Variants in PITPNC1 observed in about 807,000 individuals in gnomAD.
PITPNC1 encodes the protein cytoplasmic phosphatidylinositol transfer protein 1.
A neutral mutation model predicts 44.7 loss-of-function variants in PITPNC1; 18 were observed. That is an observed-to-expected ratio of 0.40 (90% CI 0.28 to 0.60). PITPNC1 has a LOEUF of 0.60. Ranked by LOEUF, PITPNC1 falls within the 20% of genes least tolerant of loss-of-function variation. The probability of loss-of-function intolerance (pLI) is 0.39; values close to 1 mark genes in which losing one functional copy is unlikely to be tolerated. For missense variants in PITPNC1, 290 were observed against 418.4 expected (o/e 0.69, Z 2.68); for synonymous variants, 141 against 149.6 (o/e 0.94, Z 0.42).
chr17:67,654,595 A>G (rs1200948791), intron 6 of PITPNC1, among the ~76,000 whole-genome samples: 1 of 152,000 alleles, frequency 6.6e-6, no homozygotes, highest in African/African-American at 2.4e-5. Context: ...GACTTTGCCT[A>G]CCTTATCCAA....
At chr17:67,543,639 A>G (rs147234807) in intron 2 of PITPNC1, among the ~76,000 whole-genome samples, 82 of 152,068 alleles carry the variant, frequency 5.4e-4, no homozygotes, top group African/African-American at 1.9e-3. Flanking sequence ...TCCTTTGCCA[A>G]TTTTTTAATT....
intron 5 of PITPNC1, among the ~76,000 whole-genome samples, chr17:67,600,844 T>G (rs1340264515): frequency 1.3e-5 from 2 of 151,644 alleles, no homozygotes; most frequent in Non-Finnish European, 2.9e-5. Context: ...AAGCAATATT[T>G]GAAACAATAA....
At chr17:67,389,071 CCTTT>C (rs985356947) in intron 1 of PITPNC1, among the ~76,000 whole-genome samples, 2 of 152,202 alleles carry the variant, frequency 1.3e-5, no homozygotes, top group African/African-American at 4.8e-5. Flanking sequence ...AGTCAGGCTG[CCTTT>C]CTTTCTGGAG....
intron 6 of PITPNC1, among the ~76,000 whole-genome samples, chr17:67,637,085 C>G (rs2042041939): frequency 6.6e-6 from 1 of 152,212 alleles, no homozygotes; most frequent in Admixed American, 6.5e-5. Context: ...ATGGCATGAG[C>G]TCTGCGAAGA....
Position 67,656,976 on chromosome 17 carries a change from A to T in PITPNC1, c.463-12532A>T, listed in dbSNP as rs895009039. ...TGTGAAGGGGGCAATTTAGATACTG[A>T]ATGTTCGTAAACCCAAGTGAGAAAA... On this transcript the variant is annotated intron_variant, in intron 6 of 8. Transcript: ENST00000581322. Among the ~76,000 whole-genome samples, 21 of 152,290 alleles carry T rather than the reference A, an allele frequency of 1.4e-4. 1 individual carries two copies. In the South Asian group the frequency reaches 1.9e-3, roughly 14 times the overall value.
chr17:67,531,689 C>T lies in PITPNC1; in HGVS notation c.49-1113C>T, dbSNP rs572675385. On this transcript the variant is annotated intron_variant, in intron 1 of 8. Coordinates refer to ENST00000581322, the MANE Select transcript of PITPNC1 (RefSeq NM_012417.4). Reference sequence around the variant, plus strand: ...CTCTTATGCAGACAGACAGGGGACCCGCATCCCTGCAGATTGTTGGGGAAT... The same window carrying T: ...CTCTTATGCAGACAGACAGGGGACCTGCATCCCTGCAGATTGTTGGGGAAT... 7.4e-4 allele frequency among the ~76,000 whole-genome samples: 113 copies of T among 152,284 alleles called. 1 individual carries two copies. The highest frequency in any genetic ancestry group is 2.6e-3 in the African/African-American group (106 of 41,564).
At chr17:67,493,713 C>T (rs1400519698) in intron 1 of PITPNC1, among the ~76,000 whole-genome samples, 1 of 152,132 alleles carries the variant, frequency 6.6e-6, no homozygotes, top group African/African-American at 2.4e-5. Flanking sequence ...GTGATGGTAC[C>T]TCAGAGGACT....
rs143699296 is a variant in PITPNC1, at chr17:67,597,782, C to G, written c.366+19525C>G. Among the ~76,000 whole-genome samples, 13 of 152,212 alleles carry G rather than the reference C, an allele frequency of 8.5e-5. No homozygotes were observed. Among genetic ancestry groups the G allele is most frequent in the Non-Finnish European group, 1.8e-4 (12 of 68,018 alleles). On this transcript the variant is annotated intron_variant, in intron 5 of 8. Transcript: ENST00000581322. This position sits in a 1 kb window ranked among gnomAD's most constrained non-coding sequence, Gnocchi z 4.0. Reference sequence around the variant, plus strand: ...TCTCATTGCAAGGCAGTGGGGTAGGCTCTATGGAGAACACATGCTAGAGGG... The same window carrying G: ...TCTCATTGCAAGGCAGTGGGGTAGGGTCTATGGAGAACACATGCTAGAGGG...
chr17:67,495,103 C>T (rs1263460906), intron 1 of PITPNC1, among the ~76,000 whole-genome samples: 2 of 114,146 alleles, frequency 1.8e-5, no homozygotes, highest in East Asian at 3.0e-4. Flanking sequence ...GTCGCCCAGG[C>T]TGGAGTGCAG....
At chr17:67,599,036 T>TATATATATGTATA (rs1568059523) in intron 5 of PITPNC1, among the ~76,000 whole-genome samples, 1 of 32,924 alleles carries the variant, frequency 3.0e-5, no homozygotes, top group Non-Finnish European at 6.2e-5. Context: ...ATATATATAT[T>TATATATATGTATA]TTTTTTTTTT....
At chr17:67,690,038 CTT>C (rs1006161777) in intron 8 of PITPNC1, among the ~76,000 whole-genome samples, 1 of 151,984 alleles carries the variant, frequency 6.6e-6, no homozygotes, top group African/African-American at 2.4e-5. Flanking sequence ...GTCATAATGA[CTT>C]ATATCCTTTG....
intron 5 of PITPNC1, among the ~76,000 whole-genome samples, chr17:67,631,666 A>ATATT: frequency 1.3e-5 from 1 of 77,300 alleles, no homozygotes; most frequent in African/African-American, 3.7e-5. Context: ...AAATATATAT[A>ATATT]TATATAAAAT....
intron 8 of PITPNC1, among the ~76,000 whole-genome samples, chr17:67,688,409 G>A (rs982528290): frequency 8.6e-5 from 13 of 150,382 alleles, no homozygotes; most frequent in African/African-American, 3.2e-4. Context: ...GGATCCTTTA[G>A]AATTGTGAAG....
chr17:67,666,903 G>A (rs2042431689), intron 6 of PITPNC1, among the ~76,000 whole-genome samples: 1 of 152,214 alleles, frequency 6.6e-6, no homozygotes, highest in Non-Finnish European at 1.5e-5. Context: ...AGATCTGAGA[G>A]AATAAACCTG....
intron 1 of PITPNC1, among the ~76,000 whole-genome samples, chr17:67,463,283 G>T (rs2039371164): frequency 6.6e-6 from 1 of 152,146 alleles, no homozygotes; most frequent in South Asian, 2.1e-4. Context: ...GGGTAGGGGG[G>T]ATTGAAAGCT....
chr17:67,694,954 TATTTA>T lies in PITPNC1; in HGVS notation c.*2067_*2071del, dbSNP rs1289037024. The T allele has an allele frequency of 6.6e-6, 1 of 152,230 alleles. No individual in the cohort carries two copies. The highest frequency in any genetic ancestry group is 2.4e-5 in the African/African-American group (1 of 41,456). The allele number at this position is 152,230 out of a possible 1,614,324, so 9.4% of individuals were successfully genotyped here. Reference sequence around the variant, plus strand: ...GGGGTCATTATTTTCACATAGAATGTATTTATTTTGTGCAGGCTGTTAAACACATC... The same window carrying T: ...GGGGTCATTATTTTCACATAGAATGTTTTTGTGCAGGCTGTTAAACACATC... On this transcript the variant is annotated 3_prime_UTR_variant, in exon 9 of 9. Coordinates refer to ENST00000581322, the MANE Select transcript of PITPNC1 (RefSeq NM_012417.4).
intron 5 of PITPNC1, among the ~76,000 whole-genome samples, chr17:67,625,927 C>T (rs751940970): frequency 9.2e-5 from 14 of 151,990 alleles, no homozygotes; most frequent in Non-Finnish European, 1.8e-4. Context: ...AGGATGTCTC[C>T]CAGAATCCCT....
At chr17:67,521,390 C>G (rs985709481) in intron 1 of PITPNC1, among the ~76,000 whole-genome samples, 1 of 152,152 alleles carries the variant, frequency 6.6e-6, no homozygotes, top group Admixed American at 6.5e-5. Context: ...GTAAACAAGA[C>G]ACCTCCGAGG....
At position 67,693,513 on chromosome 17, in the gene PITPNC1, A is replaced by G. The variant is rs1329991525; in HGVS notation, c.*625A>G. 6.6e-6 allele frequency: 1 copy of G among 152,374 alleles called. No homozygotes were observed. Among genetic ancestry groups the G allele is most frequent in the Non-Finnish European group, 1.5e-5 (1 of 68,028 alleles). 9.4% of individuals were successfully genotyped at this position (152,374 alleles called of 1,614,324 possible). On this transcript the variant is annotated 3_prime_UTR_variant, in exon 9 of 9. Transcript: ENST00000581322. ...TTCCACAGAATTTAATAAAGATTCT[A>G]CTTGTTTCTGTCTTTTAATAACTTT... is the stretch of plus-strand genomic sequence containing the variant.
Sources: gnomAD v4.1 joint callset for allele counts (sites outside exome capture counted in the v4.1 genomes callset) on GRCh38, gnomAD v4.1.1 for gene constraint, Gnocchi (gnomAD v3.1) non-coding constraint, MANE v1.5 for transcripts, NCBI Gene and HGNC (gene_info 2026-07-23, HGNC 2026-07-21) for gene names.